The following LOXL1 variants were observed in gnomAD, a reference collection of about 807,000 sequenced individuals.
LOXL1 encodes lysyl oxidase like 1.
In LOXL1, 31 loss-of-function variants were observed where a neutral mutation model predicts 62.2. The ratio of observed to expected loss-of-function variants is 0.50; its 90% confidence interval spans 0.37 to 0.67. The LOEUF (loss-of-function observed/expected upper bound fraction) is 0.67. Ranked by LOEUF, LOXL1 falls within the 30% of genes least tolerant of loss-of-function variation. The pLI, the probability that LOXL1 is intolerant of heterozygous loss-of-function variation, is 0.00. For synonymous variants in LOXL1, 403 were observed against 384.4 expected, an observed-to-expected ratio of 1.05 and a Z score of -0.56; for missense variants, 775 against 843.4, an observed-to-expected ratio of 0.92 and a Z score of 1.00.
chr15:73,942,538 C>T lies in LOXL1; in HGVS notation c.1103-316C>T, dbSNP rs1325247580. Reference sequence around the variant, plus strand: ...TCTTTGTTCATGCTGTTTTCCCTGCCGTGGACACCCTTTCCCGCTCTCTGA... The same window carrying T: ...TCTTTGTTCATGCTGTTTTCCCTGCTGTGGACACCCTTTCCCGCTCTCTGA... On this transcript the variant is annotated intron_variant, in intron 1 of 6. Transcript: ENST00000261921. Among the ~76,000 whole-genome samples the T allele has an allele frequency of 5.9e-5, 9 of 152,098 alleles. No individual in the cohort carries two copies. The East Asian group carries it at 7.7e-4, about 13-fold the overall frequency.
rs767343358 is a variant in LOXL1, at chr15:73,927,715, C to T, written c.932C>T (p.Pro311Leu). The change falls in exon 1 of 7, where the codon CCG becomes CTG. Residue 311 changes from proline to leucine, a missense_variant. Coordinates refer to ENST00000261921, the MANE Select transcript of LOXL1 (RefSeq NM_005576.4). ...GGAGACCCACGCCTGGGCTGGTACCCGCCCTACGCCAACCCGCCGCCCGAG... is the reference window on the plus strand; with the variant it reads ...GGAGACCCACGCCTGGGCTGGTACCTGCCCTACGCCAACCCGCCGCCCGAG... ...HGGDPRLGWY[P>L]PYANPPPEAY... The T allele has an allele frequency of 2.7e-5, 39 of 1,468,202 alleles. No homozygotes were observed. The South Asian group carries it at 4.0e-4, about 15-fold the overall frequency. 90.9% of individuals were successfully genotyped at this position (1,468,202 alleles called of 1,614,324 possible).
In LOXL1 at chr15:73,927,015, G is replaced by A. The variant is rs1167482658; in HGVS notation, c.232G>A (p.Ala78Thr). ...CGAGAGTAGCTCCCGGGTGCTGCTG[G>A]CCGGCGCGCCCCAGGCCCAGCAGCG... ...RSESSSRVLL[A>T]GAPQAQQRRS... Residue 78 changes from alanine (A) to threonine (T), a missense_variant, in exon 1 of 7, where the codon GCC (alanine) becomes ACC (threonine). Physicochemically the swap from Ala to Thr is moderately conservative, Grantham distance 58. Coordinates refer to ENST00000261921, the MANE Select transcript of LOXL1 (RefSeq NM_005576.4). The A allele has an allele frequency of 2.8e-6, 4 of 1,438,114 alleles. No homozygotes were observed. The highest frequency in any genetic ancestry group is 3.7e-6 in the Non-Finnish European group (4 of 1,085,230). The allele number at this position is 1,438,114 out of a possible 1,614,324, so 89.1% of individuals were successfully genotyped here.
chr15:73,927,853 G>A lies in LOXL1; in HGVS notation c.1070G>A (p.Gly357Asp). ...NGAQQGRLSV[G>D]SVYRPNQNGR... ...GCGCAGCAGGGCCGCCTCAGCGTGG[G>A]CAGCGTGTACCGGCCCAACCAGAAC... The change falls in exon 1 of 7, where the codon GGC becomes GAC. Residue 357 changes from glycine to aspartate, a missense_variant. Coordinates refer to ENST00000261921, the MANE Select transcript of LOXL1 (RefSeq NM_005576.4). 3.7e-6 allele frequency: 5 copies of A among 1,337,174 alleles called. No individual in the cohort carries two copies. The highest frequency in any genetic ancestry group is 4.8e-6 in the Non-Finnish European group (5 of 1,052,284). 82.8% of individuals were successfully genotyped at this position (1,337,174 alleles called of 1,614,324 possible). A position where few individuals can be genotyped will look rare whatever the true frequency, so the allele number is the denominator to read the frequency against.
chr15:73,946,308 G>T, intron 2 of LOXL1, 109 bp from the exon 3 acceptor site: 2 of 733,024 alleles, frequency 2.7e-6, no homozygotes, highest in South Asian at 1.7e-5. Flanking sequence ...CAAGGAGTGG[G>T]GCTGCAGAAC....
chr15:73,932,838 C>G (rs1469004665), intron 1 of LOXL1, among the ~76,000 whole-genome samples: 1 of 152,180 alleles, frequency 6.6e-6, no homozygotes, highest in East Asian at 1.9e-4. Flanking sequence ...ATTGTTCCTT[C>G]AGAAAGAAAA....
intron 3 of LOXL1, 74 bp from the exon 4 acceptor site, chr15:73,946,993 T>G (rs2068751911): frequency 7.0e-7 from 1 of 1,429,140 alleles, no homozygotes; most frequent in Non-Finnish European, 9.4e-7. Flanking sequence ...TGAGCCCATC[T>G]CAGGATGGGG....
chr15:73,930,602 C>T lies in LOXL1; in HGVS notation c.1102+2717C>T, dbSNP rs2068628955. Among the ~76,000 whole-genome samples, 1 of 152,180 alleles carries T rather than the reference C, an allele frequency of 6.6e-6. No individual in the cohort carries two copies. The highest frequency in any genetic ancestry group is 1.5e-5 in the Non-Finnish European group (1 of 68,030). ...TCCTCCTGGCCACACACCCAGGGGT[C>T]TGAGGCTGGGCGCTGGCAGCCTGTG... is the stretch of plus-strand genomic sequence containing the variant. On this transcript the variant is annotated intron_variant, in intron 1 of 6. Transcript: ENST00000261921. The surrounding 1 kb of genome is among the most constrained non-coding windows in gnomAD (Gnocchi z 4.7).
intron 6 of LOXL1, among the ~76,000 whole-genome samples, chr15:73,950,344 C>A (rs1389580004): frequency 2.0e-5 from 3 of 150,892 alleles, no homozygotes; most frequent in African/African-American, 7.3e-5. Context: ...AGTTCATCAA[C>A]TGGGAGAAAG....
Position 73,942,979 on chromosome 15 carries a change from G to C in LOXL1, c.1211+17G>C, listed in dbSNP as rs770274122. 5.0e-6 allele frequency: 8 copies of C among 1,589,944 alleles called. No homozygotes were observed. In the South Asian group the frequency reaches 7.7e-5, roughly 15 times the overall value. ...TCTGGCCAGGTAAGGAGCTGAGGCA[G>C]AAGTGTAGAGTGTTGGGATAGTCCC... is the stretch of plus-strand genomic sequence containing the variant. On this transcript the variant is annotated intron_variant, in intron 2 of 6. Coordinates refer to ENST00000261921, the MANE Select transcript of LOXL1 (RefSeq NM_005576.4).
intron 5 of LOXL1, among the ~76,000 whole-genome samples, chr15:73,948,234 C>T (rs978810559): frequency 3.3e-5 from 5 of 152,164 alleles, no homozygotes; most frequent in South Asian, 2.1e-4. Flanking sequence ...TTCCTGTCTT[C>T]GGACAGGGCA....
chr15:73,950,042 T>A (rs66473812), intron 6 of LOXL1, among the ~76,000 whole-genome samples: 28,364 of 152,134 alleles, frequency 0.19, 2,813 homozygotes, highest in East Asian at 0.35. Flanking sequence ...TAGTGTCCTT[T>A]TCAAGTGGAC....
rs77904740 is a variant in LOXL1, at chr15:73,940,453, G to GT, written c.1103-2388dup. On this transcript the variant is annotated intron_variant, in intron 1 of 6. Coordinates refer to ENST00000261921, the MANE Select transcript of LOXL1 (RefSeq NM_005576.4). The stretch of plus-strand genomic sequence containing the variant: ...ACTTGATGATATCACAGCAATTCCT[G>GT]TTTTTTTTTTTTTCCTTTAGCTGAA... 5.5e-3 allele frequency among the ~76,000 whole-genome samples: 807 copies of GT among 145,588 alleles called. 5 individuals carry two copies. The highest frequency in any genetic ancestry group is 0.016 in the African/African-American group (624 of 39,712).
In LOXL1 at chr15:73,927,091, C is replaced by T; in HGVS notation, c.308C>T (p.Pro103Leu). 1 of 1,302,064 alleles carries T rather than the reference C, an allele frequency of 7.7e-7. No homozygotes were observed. Among genetic ancestry groups the T allele is most frequent in the East Asian group, 3.1e-5 (1 of 31,888 alleles). The allele number at this position is 1,302,064 out of a possible 1,614,324, so 80.7% of individuals were successfully genotyped here. A position where few individuals can be genotyped will look rare whatever the true frequency, so the allele number is the denominator to read the frequency against. The change falls in exon 1 of 7, where the codon CCG becomes CTG. Residue 103 changes from proline to leucine, a missense_variant. By Grantham distance (98) the Pro-to-Leu change is moderately conservative. Coordinates refer to ENST00000261921, the MANE Select transcript of LOXL1 (RefSeq NM_005576.4). ...CGGCAGGCGCCGTCCCTGCCCCTGC[C>T]GGGGCGCGTGGGCTCGGACACCGTG... ...RRRQAPSLPL[P>L]GRVGSDTVRG...
intron 3 of LOXL1, 37 bp downstream of exon 3, chr15:73,946,591 TCTC>T: frequency 6.4e-7 from 1 of 1,574,544 alleles, no homozygotes; most frequent in Non-Finnish European, 8.6e-7. Context: ...CTCTTCCACT[TCTC>T]CTCTGGGCCA....
intron 1 of LOXL1, among the ~76,000 whole-genome samples, chr15:73,928,601 C>CAAAAAAAAAAAAAAAAAA (rs55696344): frequency 9.5e-6 from 1 of 105,014 alleles, no homozygotes; most frequent in Admixed American, 1.0e-4. Flanking sequence ...AAAATTAATG[C>CAAAAAAAAAAAAAAAAAA]AAAAAAAAAA....
At chr15:73,934,028 G>A (rs1162497885) in intron 1 of LOXL1, among the ~76,000 whole-genome samples, 1 of 152,242 alleles carries the variant, frequency 6.6e-6, no homozygotes, top group Admixed American at 6.5e-5. Flanking sequence ...TTGGAAATGG[G>A]GAGAGGGGTG....
intron 6 of LOXL1, among the ~76,000 whole-genome samples, chr15:73,951,016 G>T (rs1248075753): frequency 1.3e-5 from 2 of 152,212 alleles, no homozygotes; most frequent in Non-Finnish European, 2.9e-5. Flanking sequence ...GCACATTCCT[G>T]CTCCTCAGGG....
chr15:73,944,747 G>A (rs2068736546), intron 2 of LOXL1, among the ~76,000 whole-genome samples: 1 of 152,234 alleles, frequency 6.6e-6, no homozygotes, highest in Admixed American at 6.5e-5. Flanking sequence ...TTCCCACGGT[G>A]TGCTGAGCCG....
chr15:73,927,215 C>T lies in LOXL1; in HGVS notation c.432C>T (p.Thr144=), dbSNP rs140374183. Residue 144 remains threonine (T), a synonymous_variant, in exon 1 of 7, where the codon ACC becomes ACT. Coordinates refer to ENST00000261921, the MANE Select transcript of LOXL1 (RefSeq NM_005576.4). ...GDSTGMARAR[T]SVSQQRHGGS... ...GCACGGGCATGGCCCGGGCCCGCAC[C>T]TCCGTCTCCCAGCAACGGCACGGGG... The T allele has an allele frequency of 2.5e-4, 405 of 1,595,310 alleles. 4 individuals are homozygous for T. In the African/African-American group the frequency reaches 5.3e-3, roughly 21 times the overall value.
Sources: allele counts gnomAD v4.1 joint callset (sites outside exome capture counted in the v4.1 genomes callset), GRCh38; gene constraint gnomAD v4.1.1; non-coding constraint Gnocchi (gnomAD v3.1); transcripts MANE v1.5; gene names NCBI Gene and HGNC (gene_info 2026-07-23, HGNC 2026-07-21).